Variants in CHN1 observed in about 807,000 individuals in gnomAD.
CHN1 encodes the protein chimerin 1.
Under a neutral mutation model 59.5 loss-of-function variants are expected in CHN1, and 37 were observed. The ratio of observed to expected loss-of-function variants is 0.62; its 90% CI spans 0.48 to 0.82. The LOEUF (loss-of-function observed/expected upper bound fraction) is 0.82, where lower values mean the gene tolerates loss of function less well. CHN1 is among the 40% of genes least tolerant of loss of function. CHN1 has a pLI of 0.00. For missense variants in CHN1, 469 were observed against 571.0 expected (o/e 0.82, Z 1.82); for synonymous variants, 206 against 200.4 (o/e 1.03, Z -0.24).
At chr2:174,806,150 GGGTGA>G (rs1684878565) in intron 11 of CHN1, among the ~76,000 whole-genome samples, 1 of 152,066 alleles carries the variant, frequency 6.6e-6, no homozygotes, top group Non-Finnish European at 1.5e-5. Context: ...AGGAAGGTGG[GGGTGA>G]GTGAACACAG....
At chr2:174,946,846 T>C (rs1225677051) in intron 2 of CHN1, among the ~76,000 whole-genome samples, 1 of 150,050 alleles carries the variant, frequency 6.7e-6, no homozygotes, top group African/African-American at 2.5e-5. Flanking sequence ...GGAGGATCAT[T>C]TGAGCTCAAG....
At chr2:174,927,066 C>T (rs1399924723) in intron 3 of CHN1, among the ~76,000 whole-genome samples, 1 of 152,026 alleles carries the variant, frequency 6.6e-6, no homozygotes, top group Non-Finnish European at 1.5e-5. Flanking sequence ...CCTACCCACA[C>T]CTTTTTCAAA....
chr2:174,842,699 C>T (rs1686355031), intron 7 of CHN1, among the ~76,000 whole-genome samples: 1 of 152,194 alleles, frequency 6.6e-6, no homozygotes, highest in Non-Finnish European at 1.5e-5. Context: ...CTTCAGTTCA[C>T]CAGACAGCAC....
chr2:174,841,676 G>A (rs1686307268), intron 7 of CHN1, among the ~76,000 whole-genome samples: 1 of 151,860 alleles, frequency 6.6e-6, no homozygotes, highest in African/African-American at 2.4e-5. Flanking sequence ...GAAATTCCAA[G>A]TAAGAAATTA....
chr2:174,975,299 T>C (rs143278646), intron 1 of CHN1, among the ~76,000 whole-genome samples: 1,718 of 152,286 alleles, frequency 0.011, 34 homozygotes, highest in African/African-American at 0.038. Context: ...ATTTTTTTAA[T>C]TTTTAAAATA....
At chr2:174,866,991 C>G (rs995887921) in intron 6 of CHN1, among the ~76,000 whole-genome samples, 1 of 151,730 alleles carries the variant, frequency 6.6e-6, no homozygotes, top group East Asian at 1.9e-4. Flanking sequence ...AATGAAAAAG[C>G]CATTTTGCAA....
intron 3 of CHN1, among the ~76,000 whole-genome samples, chr2:174,932,446 C>T (rs1222522005): frequency 2.0e-5 from 3 of 152,166 alleles, no homozygotes; most frequent in Admixed American, 2.0e-4. Flanking sequence ...TAAGTATCTA[C>T]AAGAGGCTGC....
chr2:174,954,123 T>C (rs1400234826), intron 1 of CHN1, among the ~76,000 whole-genome samples: 1 of 151,858 alleles, frequency 6.6e-6, no homozygotes, highest in Non-Finnish European at 1.5e-5. Context: ...GAATAGAGAA[T>C]CCAGAAATAA....
chr2:174,915,847 T>G (rs1402201410), intron 4 of CHN1, among the ~76,000 whole-genome samples: 1 of 152,200 alleles, frequency 6.6e-6, no homozygotes, highest in Non-Finnish European at 1.5e-5. Flanking sequence ...AAATGTCAGT[T>G]GTGACACATA....
In CHN1 at chr2:174,931,133, C is replaced by CA. The variant is rs34575603; in HGVS notation, c.115-12569dup. Among the ~76,000 whole-genome samples, 737 of 141,308 alleles carry CA rather than the reference C, an allele frequency of 5.2e-3. 4 individuals are homozygous for CA. Among genetic ancestry groups the CA allele is most frequent in the African/African-American group, 0.014 (539 of 38,760 alleles). The allele number at this position is 141,308 out of a possible 152,430, so 92.7% of individuals were successfully genotyped here. A position where few individuals can be genotyped will look rare whatever the true frequency, so the allele number is the denominator to read the frequency against. On this transcript the variant is annotated intron_variant, in intron 3 of 12. Coordinates refer to ENST00000409900, the MANE Select transcript of CHN1 (RefSeq NM_001822.7). ...AGACCACTTCAAAAGAAATATATGG[C>CA]AAAAAAAAAAAAATAGCCTTTGAGT...
intron 6 of CHN1, among the ~76,000 whole-genome samples, chr2:174,862,656 G>C (rs1165556844): frequency 6.6e-6 from 1 of 152,108 alleles, no homozygotes; most frequent in African/African-American, 2.4e-5. Flanking sequence ...ATGAACAATA[G>C]CATATTAAAT....
At chr2:174,974,580 C>G (rs1690859537) in intron 1 of CHN1, among the ~76,000 whole-genome samples, 1 of 152,080 alleles carries the variant, frequency 6.6e-6, no homozygotes, top group Non-Finnish European at 1.5e-5. Flanking sequence ...TCACAAGTGA[C>G]AATTAGATCA....
intron 7 of CHN1, among the ~76,000 whole-genome samples, chr2:174,840,161 C>CTTTTT (rs71407154): frequency 0.023 from 1,564 of 67,362 alleles, 26 homozygotes; most frequent in Middle Eastern, 0.071. Flanking sequence ...TAAAACCATT[C>CTTTTT]TTTTTTTTTT....
intron 3 of CHN1, among the ~76,000 whole-genome samples, chr2:174,926,056 T>A (rs1364740781): frequency 6.6e-6 from 1 of 152,224 alleles, no homozygotes; most frequent in South Asian, 2.1e-4. Flanking sequence ...CTACCATTAT[T>A]GAATGTGGCA....
chr2:174,951,594 T>A (rs1012176491), intron 2 of CHN1, among the ~76,000 whole-genome samples: 1 of 152,160 alleles, frequency 6.6e-6, no homozygotes, highest in African/African-American at 2.4e-5. Context: ...CTTGGTGAAA[T>A]AATATTCTCT....
chr2:174,813,982 T>TTATATATAGTGG (rs1226028712), intron 8 of CHN1, among the ~76,000 whole-genome samples: 1 of 152,202 alleles, frequency 6.6e-6, no homozygotes, highest in Non-Finnish European at 1.5e-5. Flanking sequence ...TGTGATCTAG[T>TTATATATAGTGG]TATATATAGT....
At chr2:174,917,930 T>C (rs960995390) in intron 4 of CHN1, among the ~76,000 whole-genome samples, 8 of 152,146 alleles carry the variant, frequency 5.3e-5, no homozygotes, top group Admixed American at 2.6e-4. Flanking sequence ...TTAAAAATCA[T>C]TGCATTTTTC....
At chr2:174,858,466 A>C (rs988182596) in intron 6 of CHN1, among the ~76,000 whole-genome samples, 3 of 152,200 alleles carry the variant, frequency 2.0e-5, no homozygotes, top group African/African-American at 7.2e-5. Context: ...AAGAAGTACA[A>C]GCATGGGCAT....
intron 1 of CHN1, among the ~76,000 whole-genome samples, chr2:174,967,875 T>C (rs919936205): frequency 6.6e-6 from 1 of 152,260 alleles, no homozygotes; most frequent in African/African-American, 2.4e-5. Context: ...AACATAGTTT[T>C]GTAGCACTGA....
Sources: gnomAD v4.1 joint callset for allele counts (sites outside exome capture counted in the v4.1 genomes callset) on GRCh38, gnomAD v4.1.1 for gene constraint, MANE v1.5 for transcripts, NCBI Gene and HGNC (gene_info 2026-07-23, HGNC 2026-07-21) for gene names.